The following FADS2 variants were observed in gnomAD, a reference collection of about 807,000 sequenced individuals.
The protein encoded by FADS2 is fatty acid desaturase 2, also known as acyl-CoA 6-desaturase.
Under a neutral mutation model 61.2 loss-of-function variants are expected in FADS2, and 18 were observed. That is an observed-to-expected ratio of 0.29 (90% CI 0.20 to 0.44). The LOEUF is 0.44. FADS2 is among the 20% of genes least tolerant of loss of function. FADS2 has a pLI of 1.00. For missense variants in FADS2, 322 were observed against 572.7 expected (o/e 0.56, Z 4.47); for synonymous variants, 203 against 223.9 (o/e 0.91, Z 0.83).
In FADS2 at chr11:61,865,671, C is replaced by G; in HGVS notation, c.1317C>G (p.Asp439Glu). The G allele has an allele frequency of 6.2e-7, 1 of 1,612,310 alleles. No individual in the cohort carries two copies. Among genetic ancestry groups the G allele is most frequent in the Non-Finnish European group, 8.5e-7 (1 of 1,179,280 alleles). The stretch of plus-strand genomic sequence containing the variant: ...AGAAGTCTGGGAAGCTGTGGCTGGA[C>G]GCCTACCTTCACAAATGAAGCCACA... ...SLKKSGKLWL[D>E]AYLHK The change falls in exon 12 of 12, where the codon GAC becomes GAG. Residue 439 changes from aspartate to glutamate, a missense_variant. Asp to Glu is a conservative substitution (Grantham distance 45). Coordinates refer to ENST00000278840, the MANE Select transcript of FADS2 (RefSeq NM_004265.4). The surrounding 1 kb of genome is among the most constrained non-coding windows in gnomAD (Gnocchi z 4.1).
chr11:61,824,459 GGA>G (rs1157000186), upstream of FADS2, among the ~76,000 whole-genome samples: 87 of 5,854 alleles, frequency 0.015, 2 homozygotes, highest in African/African-American at 0.046. Context: ...AGGGAGGGAG[GGA>G]GAGAGAGAGA....
chr11:61,848,505 A>G (rs913019719), intron 5 of FADS2, among the ~76,000 whole-genome samples: 1 of 152,186 alleles, frequency 6.6e-6, no homozygotes, highest in South Asian at 2.1e-4. Flanking sequence ...TCAGCCAGGC[A>G]GGTCCACATC....
chr11:61,843,601 C>G (rs2067233259), intron 4 of FADS2, among the ~76,000 whole-genome samples: 1 of 152,168 alleles, frequency 6.6e-6, no homozygotes, highest in African/African-American at 2.4e-5. Flanking sequence ...CAGACAAATT[C>G]TAAGGGGACA....
chr11:61,824,469 A>AGAGAGAGAGAG (rs2067060497), upstream of FADS2, among the ~76,000 whole-genome samples: 1 of 6,286 alleles, frequency 1.6e-4, no homozygotes, highest in African/African-American at 2.0e-4. Flanking sequence ...GGAGAGAGAG[A>AGAGAGAGAGAG]GAGAGAGAGA....
chr11:61,848,386 T>C, intron 5 of FADS2, 102 bp downstream of exon 5: 2 of 1,572,968 alleles, frequency 1.3e-6, no homozygotes, highest in Non-Finnish European at 1.7e-6. Flanking sequence ...TAGGAAGTGT[T>C]TGGCCTGGGC....
intron 7 of FADS2, among the ~76,000 whole-genome samples, chr11:61,859,433 C>G (rs1339098795): frequency 6.6e-6 from 1 of 152,218 alleles, no homozygotes; most frequent in Non-Finnish European, 1.5e-5. Context: ...GCAGCCAAGT[C>G]AAATTTTATC....
chr11:61,862,275 A>G (rs174620), intron 7 of FADS2: 66,784 of 152,098 alleles, frequency 0.44, 15,635 homozygotes, highest in African/African-American at 0.55. Context: ...GACAAGCAGG[A>G]GACTGTGGGA....
chr11:61,836,336 G>A (rs1190782058), intron 1 of FADS2, among the ~76,000 whole-genome samples: 1 of 152,102 alleles, frequency 6.6e-6, no homozygotes, highest in Non-Finnish European at 1.5e-5. Context: ...AACTTCAGGT[G>A]ATCGCCCTGC....
intron 4 of FADS2, among the ~76,000 whole-genome samples, chr11:61,845,437 G>A (rs756084511): frequency 5.3e-5 from 8 of 152,208 alleles, no homozygotes; most frequent in Non-Finnish European, 1.2e-4. Flanking sequence ...GGCAAGGCGG[G>A]CTTCCCGGTG....
chr11:61,828,030 T>G (rs911973768), upstream of FADS2: 1 of 1,138,742 alleles, frequency 8.8e-7, no homozygotes, highest in Non-Finnish European at 1.1e-6. The surrounding 1 kb of genome is among the most constrained non-coding windows in gnomAD (Gnocchi z 6.4). Context: ...CGCGGGAGGA[T>G]GTGGAACCCG....
Position 61,866,342 on chromosome 11 carries a change from C to T in FADS2, c.*653C>T. The T allele has an allele frequency of 4.6e-6, 1 of 218,936 alleles. No individual in the cohort carries two copies. Among genetic ancestry groups the T allele is most frequent in the Non-Finnish European group, 8.9e-6 (1 of 112,166 alleles). The allele number at this position is 218,936 out of a possible 1,614,324, so 13.6% of individuals were successfully genotyped here. A position where few individuals can be genotyped will look rare whatever the true frequency, so the allele number is the denominator to read the frequency against. ...AACCTTGGGCCCTGGAAGAGTCCTC[C>T]ACCCCATCACTAGAGTGCTCTGACC... On this transcript the variant is annotated 3_prime_UTR_variant, in exon 12 of 12. Coordinates refer to ENST00000278840, the MANE Select transcript of FADS2 (RefSeq NM_004265.4).
intron 1 of FADS2, among the ~76,000 whole-genome samples, chr11:61,829,593 C>G (rs1256257993): frequency 6.6e-6 from 1 of 151,986 alleles, no homozygotes; most frequent in Non-Finnish European, 1.5e-5. Context: ...TTCGAATGGG[C>G]CAGAAGGAAA....
rs547118420 is a variant in FADS2, at chr11:61,843,783, C to T, written c.618+3058C>T. ...AAGCGATTCTCCTGCCTCAGCCTCC[C>T]GAGTAGCTGGGATTACAGGTGTGCG... On this transcript the variant is annotated intron_variant, in intron 4 of 11. Coordinates refer to ENST00000278840, the MANE Select transcript of FADS2 (RefSeq NM_004265.4). 1.1e-4 allele frequency among the ~76,000 whole-genome samples: 17 copies of T among 152,192 alleles called. No individual in the cohort carries two copies. In the East Asian group the frequency reaches 2.7e-3, roughly 24 times the overall value.
upstream of FADS2, among the ~76,000 whole-genome samples, chr11:61,825,010 G>A (rs1459139609): frequency 4.6e-5 from 7 of 151,814 alleles, no homozygotes; most frequent in Non-Finnish European, 8.8e-5. Context: ...GGCCAACATG[G>A]TGAAACCCCA....
chr11:61,824,435 G>A (rs12226877), upstream of FADS2, among the ~76,000 whole-genome samples: 665 of 4,504 alleles, frequency 0.15, 66 homozygotes, highest in East Asian at 0.47. Flanking sequence ...AGAGAGAGAG[G>A]GAGGGAGGGA....
At chr11:61,847,747 G>A in intron 4 of FADS2, 1 of 210,820 alleles carries the variant, frequency 4.7e-6, no homozygotes, top group East Asian at 1.1e-4. Flanking sequence ...TATACGCTCA[G>A]GAGGGAGATT....
rs185141137 is a variant in FADS2 at position 61,862,482 on chromosome 11, C to T, written c.883-490C>T. 3.5e-5 allele frequency: 6 copies of T among 171,504 alleles called. No homozygotes were observed. The Admixed American group carries it at 3.5e-4, about 10-fold the overall frequency. 10.6% of individuals were successfully genotyped at this position (171,504 alleles called of 1,614,324 possible). A position where few individuals can be genotyped will look rare whatever the true frequency, so the allele number is the denominator to read the frequency against. ...CAGTGGGGCGTGGGGAGGCCAGCCTCTGCTGTGAGAGCTCTGAGATAGGGA... is the reference window on the plus strand; with the variant it reads ...CAGTGGGGCGTGGGGAGGCCAGCCTTTGCTGTGAGAGCTCTGAGATAGGGA... On this transcript the variant is annotated intron_variant, in intron 7 of 11. Coordinates refer to ENST00000278840, the MANE Select transcript of FADS2 (RefSeq NM_004265.4).
At chr11:61,828,196 C>G (rs1293816133), upstream of FADS2, 2 of 1,417,442 alleles carry the variant, frequency 1.4e-6, no homozygotes, top group Non-Finnish European at 1.8e-6. This position sits in a 1 kb window ranked among gnomAD's most constrained non-coding sequence, Gnocchi z 6.4. Context: ...GATCCTCCGC[C>G]AGGAAGGCAG....
At chr11:61,819,341 C>T (rs1269805550) in intron 1 of FADS2, among the ~76,000 whole-genome samples, 1 of 152,004 alleles carries the variant, frequency 6.6e-6, no homozygotes, top group Non-Finnish European at 1.5e-5. Flanking sequence ...TTTGGGAGGT[C>T]GAGGCAGGCG....
Sources: allele counts gnomAD v4.1 joint callset (sites outside exome capture counted in the v4.1 genomes callset), GRCh38; gene constraint gnomAD v4.1.1; non-coding constraint Gnocchi (gnomAD v3.1); transcripts MANE v1.5; gene names NCBI Gene and HGNC (gene_info 2026-07-23, HGNC 2026-07-21).